The following GFI1B variants were observed in gnomAD, a reference collection of about 807,000 sequenced individuals.
GFI1B encodes the protein zinc finger protein Gfi-1b.
In GFI1B, 20 loss-of-function variants were observed where a neutral mutation model predicts 35.3. The ratio of observed to expected loss-of-function variants is 0.57; its 90% CI spans 0.40 to 0.82. The LOEUF is 0.82. Among genes scored for constraint, GFI1B ranks in the 40% least tolerant of loss-of-function variants. GFI1B has a pLI of 0.00. For missense variants in GFI1B, 430 were observed against 446.3 expected, an observed-to-expected ratio of 0.96 and a Z score of 0.33; for synonymous variants, 178 against 177.6, an observed-to-expected ratio of 1.00 and a Z score of -0.02.
chr9:132,971,122 C>T lies in GFI1B; in HGVS notation c.-700-1603C>T, dbSNP rs548603574. ...TCAAGCAATCCTCCCACGTCAGTCC[C>T]CAAAGTGCTGGGATTATGGGTGTGA... On this transcript the variant is annotated intron_variant, in intron 1 of 10. Coordinates refer to the GFI1B transcript ENST00000339463. Among the ~76,000 whole-genome samples the T allele has an allele frequency of 2.6e-5, 4 of 152,324 alleles. No individual in the cohort carries two copies. In the South Asian group the frequency reaches 8.3e-4, roughly 32 times the overall value.
intron 1 of GFI1B, among the ~76,000 whole-genome samples, chr9:132,955,796 G>T (rs918093532): frequency 7.0e-6 from 1 of 142,306 alleles, no homozygotes; most frequent in Non-Finnish European, 1.5e-5. Context: ...CGTGATGTGT[G>T]TGTGTGTGTG....
intron 1 of GFI1B, among the ~76,000 whole-genome samples, chr9:132,947,697 T>G (rs898800920): frequency 2.0e-5 from 3 of 150,972 alleles, no homozygotes. Context: ...TAATCCAAGC[T>G]ACTCAGGAGG....
intron 1 of GFI1B, chr9:132,945,869 T>G (rs1848077099): frequency 6.6e-6 from 1 of 152,380 alleles, no homozygotes; most frequent in African/African-American, 2.4e-5. Context: ...GGGTGAGTTA[T>G]GGGAATAACA....
At chr9:132,951,226 G>GA (rs1326809296) in intron 1 of GFI1B, 2 of 152,170 alleles carry the variant, frequency 1.3e-5, no homozygotes, top group Non-Finnish European at 2.9e-5. Context: ...CAGAGGCCAT[G>GA]AAAAATGTGC....
At chr9:132,977,763 C>G (rs796637462), upstream of GFI1B, among the ~76,000 whole-genome samples, 2 of 152,100 alleles carry the variant, frequency 1.3e-5, no homozygotes, top group East Asian at 1.9e-4. Context: ...CGCCCTCACT[C>G]CCCCCAGCAT....
At chr9:132,988,998 G>C in intron 4 of GFI1B, 63 bp from the exon 5 acceptor site, 1 of 1,535,122 alleles carries the variant, frequency 6.5e-7, no homozygotes, top group Non-Finnish European at 9.0e-7. Context: ...GAGACCATGG[G>C]ACCCCAGGCC....
At chr9:132,992,994 A>G (rs992540425), downstream of GFI1B, among the ~76,000 whole-genome samples, 2 of 139,066 alleles carry the variant, frequency 1.4e-5, no homozygotes, top group Admixed American at 1.5e-4. Context: ...GAGAGGTCAA[A>G]CATAAAAAAA....
chr9:132,983,133 G>A (rs1848889159), intron 1 of GFI1B, among the ~76,000 whole-genome samples: 1 of 151,560 alleles, frequency 6.6e-6, no homozygotes. Context: ...GAGCCATGTG[G>A]GTCTTTTAGG....
chr9:132,986,798 G>GGC lies in GFI1B; in HGVS notation c.100+23_100+24dup. 1 of 1,500,988 alleles carries GGC rather than the reference G, an allele frequency of 6.7e-7. No individual in the cohort carries two copies. The highest frequency in any genetic ancestry group is 9.2e-7 in the Non-Finnish European group (1 of 1,085,974). The allele number at this position is 1,500,988 out of a possible 1,614,324, so 93.0% of individuals were successfully genotyped here. A position where few individuals can be genotyped will look rare whatever the true frequency, so the allele number is the denominator to read the frequency against. On this transcript the variant is annotated intron_variant, in intron 2 of 6. Transcript: ENST00000372122. ...CCCCGGGTGAGTCAGAGCCCGGGCTGGCGCCTGCTGCACCCACGGGGGGCT... is the reference window on the plus strand; with the variant it reads ...CCCCGGGTGAGTCAGAGCCCGGGCTGGCGCGCCTGCTGCACCCACGGGGGGCT...
At chr9:132,980,895 TTTTG>T (rs112055013) in intron 1 of GFI1B, among the ~76,000 whole-genome samples, 75 of 151,644 alleles carry the variant, frequency 4.9e-4, no homozygotes, top group Non-Finnish European at 8.7e-4. Flanking sequence ...CTAGACCACA[TTTTG>T]TTTGTTTGTT....
At chr9:132,982,726 AGG>A (rs1326313506) in intron 1 of GFI1B, among the ~76,000 whole-genome samples, 1 of 151,804 alleles carries the variant, frequency 6.6e-6, no homozygotes, top group African/African-American at 2.4e-5. Flanking sequence ...CTCTGCTAAC[AGG>A]GGCCAAAAGG....
At chr9:132,975,832 C>T (rs1311338733), upstream of GFI1B, among the ~76,000 whole-genome samples, 1 of 152,210 alleles carries the variant, frequency 6.6e-6, no homozygotes, top group Non-Finnish European at 1.5e-5. Context: ...TCCAGGGCTG[C>T]TCACTAAGGG....
chr9:132,983,879 G>A (rs1848924503), intron 1 of GFI1B, among the ~76,000 whole-genome samples: 1 of 152,246 alleles, frequency 6.6e-6, no homozygotes, highest in East Asian at 1.9e-4. Flanking sequence ...GGGCCAGACA[G>A]ACCCCAGTCC....
intron 1 of GFI1B, among the ~76,000 whole-genome samples, chr9:132,970,233 C>A (rs1367889796): frequency 1.3e-5 from 2 of 152,018 alleles, no homozygotes; most frequent in Admixed American, 1.3e-4. Flanking sequence ...GGAGCCAAGC[C>A]CTGGGTCCAA....
chr9:132,945,874 A>G (rs1369064293), intron 1 of GFI1B: 1 of 152,402 alleles, frequency 6.6e-6, no homozygotes, highest in African/African-American at 2.4e-5. Flanking sequence ...AGTTATGGGA[A>G]TAACAGGTTT....
chr9:132,975,544 A>G (rs1848613437), upstream of GFI1B, among the ~76,000 whole-genome samples: 2 of 152,214 alleles, frequency 1.3e-5, no homozygotes, highest in Non-Finnish European at 2.9e-5. Context: ...TGTTTATATC[A>G]CAGCACTTGT....
intron 1 of GFI1B, among the ~76,000 whole-genome samples, chr9:132,965,845 A>G (rs1848443703): frequency 6.6e-6 from 1 of 152,252 alleles, no homozygotes; most frequent in African/African-American, 2.4e-5. Context: ...GCCACCCAAC[A>G]TGTAATTGCT....
At chr9:132,958,546 G>A (rs1218020657) in intron 1 of GFI1B, among the ~76,000 whole-genome samples, 3 of 152,228 alleles carry the variant, frequency 2.0e-5, no homozygotes, top group Non-Finnish European at 4.4e-5. Flanking sequence ...ACTATCAAGA[G>A]GACAGTACCA....
upstream of GFI1B, among the ~76,000 whole-genome samples, chr9:132,977,576 C>T (rs1305358649): frequency 2.0e-5 from 3 of 152,210 alleles, no homozygotes; most frequent in Non-Finnish European, 4.4e-5. Context: ...ACAAAGCAGC[C>T]TAACAGTGCT....
Sources: gnomAD v4.1 joint callset for allele counts (sites outside exome capture counted in the v4.1 genomes callset) on GRCh38, gnomAD v4.1.1 for gene constraint, MANE v1.5 for transcripts, NCBI Gene and HGNC (gene_info 2026-07-23, HGNC 2026-07-21) for gene names.